TRIM33: variants seen among roughly 807,000 people sequenced by gnomAD.
The protein encoded by TRIM33 is tripartite motif containing 33.
TRIM33 carries 20 observed loss-of-function variants against 125.4 expected under a neutral mutation model. The ratio of observed to expected loss-of-function variants is 0.16; its 90% CI spans 0.11 to 0.23. The LOEUF (loss-of-function observed/expected upper bound fraction) is 0.23, where lower values mean the gene tolerates loss of function less well. TRIM33 is among the 10% of genes least tolerant of loss of function. TRIM33 has a pLI of 1.00. For missense variants in TRIM33, 920 were observed against 1,411.4 expected, an observed-to-expected ratio of 0.65 and a Z score of 5.58; for synonymous variants, 564 against 513.9, an observed-to-expected ratio of 1.10 and a Z score of -1.32.
intron 1 of TRIM33, among the ~76,000 whole-genome samples, chr1:114,494,994 AC>A (rs1304743707): frequency 2.6e-5 from 4 of 151,892 alleles, no homozygotes; most frequent in Admixed American, 6.6e-5. Flanking sequence ...GCTCACTGCA[AC>A]CTCCACCTCC....
At chr1:114,437,697 T>C (rs931994952) in intron 4 of TRIM33, among the ~76,000 whole-genome samples, 18 of 152,226 alleles carry the variant, frequency 1.2e-4, no homozygotes, top group Non-Finnish European at 2.5e-4. Context: ...TATTTCAAAA[T>C]AGGTAAAATA....
chr1:114,436,308 A>G (rs1260448965), intron 4 of TRIM33, among the ~76,000 whole-genome samples: 1 of 144,880 alleles, frequency 6.9e-6, no homozygotes, highest in Non-Finnish European at 1.5e-5. Context: ...ATGCGGAGGC[A>G]GGGGAATTGC....
chr1:114,452,772 T>C (rs1232418444), intron 4 of TRIM33, among the ~76,000 whole-genome samples: 1 of 145,946 alleles, frequency 6.9e-6, no homozygotes, highest in Non-Finnish European at 1.5e-5. Flanking sequence ...GATGGTAGTA[T>C]ACACCTGTAG....
chr1:114,481,639 A>ATATGTGTG lies in TRIM33; in HGVS notation c.527-17252_527-17251insCACACATA, dbSNP rs1553220465. Among the ~76,000 whole-genome samples, 250 of 142,412 alleles carry ATATGTGTG rather than the reference A, an allele frequency of 1.8e-3. 1 individual carries two copies. The highest frequency in any genetic ancestry group is 6.2e-3 in the African/African-American group (237 of 38,042). 93.4% of individuals were successfully genotyped at this position (142,412 alleles called of 152,430 possible). ...AAAAAAGAAAAAAAACTATATATAT[A>ATATGTGTG]TGTGTGTGTGTGTGTGTGTGTGTAT... On this transcript the variant is annotated intron_variant, in intron 1 of 19. Coordinates refer to ENST00000358465, the MANE Select transcript of TRIM33 (RefSeq NM_015906.4).
chr1:114,425,575 T>C lies in TRIM33; in HGVS notation c.1569A>G (p.Val523=), dbSNP rs1435692829. The change falls in exon 9 of 20, where the codon GTA becomes GTG. Residue 523 remains valine, a synonymous_variant. Transcript: ENST00000358465. ...QLRLQHMQQQ[V]YAQKHQQLQQ... ...GCAACTGCTGATGTTTCTGTGCATATACTTGTTGTTGCATGTGCTGGAGTC... is the reference window on the plus strand; with the variant it reads ...GCAACTGCTGATGTTTCTGTGCATACACTTGTTGTTGCATGTGCTGGAGTC... 5.6e-6 allele frequency: 9 copies of C among 1,614,062 alleles called. No individual in the cohort carries two copies. The highest frequency in any genetic ancestry group is 2.2e-5 in the East Asian group (1 of 44,892).
chr1:114,410,139 T>C (rs1191439208), intron 12 of TRIM33, 45 bp downstream of exon 12: 5 of 1,607,428 alleles, frequency 3.1e-6, no homozygotes, highest in South Asian at 2.2e-5. Flanking sequence ...ACTGACACTG[T>C]TTTTTTAAGG....
chr1:114,503,999 G>A (rs1652850735), intron 1 of TRIM33, among the ~76,000 whole-genome samples: 1 of 152,104 alleles, frequency 6.6e-6, no homozygotes, highest in Admixed American at 6.5e-5. Context: ...ATCACACAGA[G>A]CTTTAAAGAT....
In TRIM33 at chr1:114,510,538, G is replaced by T; in HGVS notation, c.526+13C>A. The T allele has an allele frequency of 6.8e-7, 1 of 1,464,560 alleles. No homozygotes were observed. The highest frequency in any genetic ancestry group is 1.4e-5 in the South Asian group (1 of 74,018). 90.7% of individuals were successfully genotyped at this position (1,464,560 alleles called of 1,614,324 possible). ...CCTTGCGGCCCAGATGCCAGGCAGG[G>T]CCTCCGGCTCACCTTGCTGGATGTC... On this transcript the variant is annotated intron_variant, in intron 1 of 19. Transcript: ENST00000358465.
Position 114,397,751 on chromosome 1 carries a change from T to C in TRIM33, c.3281A>G (p.Gln1094Arg). The change falls in exon 20 of 20, where the codon CAG becomes CGG. Residue 1094 changes from glutamine to arginine, a missense_variant. Physicochemically the swap from Gln to Arg is conservative, Grantham distance 43. Coordinates refer to ENST00000358465, the MANE Select transcript of TRIM33 (RefSeq NM_015906.4). ...AGTTACCTCACCATCATCCTCTTCC[T>C]GCTCAAACTCTGGCAAAGGTGCGAA... ...RTFAPLPEFE[Q>R]EEDDGEVTED... 3 of 1,613,990 alleles carry C rather than the reference T, an allele frequency of 1.9e-6. No homozygotes were observed. Among genetic ancestry groups the C allele is most frequent in the East Asian group, 2.2e-5 (1 of 44,864 alleles).
intron 11 of TRIM33, among the ~76,000 whole-genome samples, chr1:114,412,580 G>A (rs917909218): frequency 6.6e-6 from 1 of 150,810 alleles, no homozygotes; most frequent in East Asian, 1.9e-4. Context: ...TTCAGCTTTA[G>A]TTTTTTTTTC....
chr1:114,501,657 C>T (rs1418652745), intron 1 of TRIM33, among the ~76,000 whole-genome samples: 3 of 152,142 alleles, frequency 2.0e-5, no homozygotes, highest in Non-Finnish European at 2.9e-5. Context: ...GGCTACCACA[C>T]CAAGCCATAG....
intron 1 of TRIM33, chr1:114,468,649 A>T: frequency 2.3e-6 from 1 of 432,712 alleles, no homozygotes; most frequent in East Asian, 7.1e-5. Flanking sequence ...GAACCAGCTG[A>T]ACCAGAGTAT....
chr1:114,393,202 G>A lies in TRIM33; in HGVS notation c.*4446C>T, dbSNP rs1203267402. 2.8e-5 allele frequency: 6 copies of A among 213,542 alleles called. No homozygotes were observed. The highest frequency in any genetic ancestry group is 1.5e-3 in the Middle Eastern group (1 of 654). 13.2% of individuals were successfully genotyped at this position (213,542 alleles called of 1,614,324 possible). A position where few individuals can be genotyped will look rare whatever the true frequency, so the allele number is the denominator to read the frequency against. Reference sequence around the variant, plus strand: ...GTAAGGCTGTGAATTTAACCCTTTCGTGTGTAGGTATGTCTACATAAAAAA... The same window carrying A: ...GTAAGGCTGTGAATTTAACCCTTTCATGTGTAGGTATGTCTACATAAAAAA... On this transcript the variant is annotated 3_prime_UTR_variant, in exon 20 of 20. Transcript: ENST00000358465.
intron 1 of TRIM33, among the ~76,000 whole-genome samples, chr1:114,506,747 GCTCA>G (rs1301450523): frequency 6.6e-6 from 1 of 152,104 alleles, no homozygotes; most frequent in Non-Finnish European, 1.5e-5. Flanking sequence ...ACTTTAAAAA[GCTCA>G]CTATTGAGAT....
intron 4 of TRIM33, among the ~76,000 whole-genome samples, chr1:114,458,472 C>A (rs1214805426): frequency 2.0e-5 from 3 of 152,126 alleles, no homozygotes; most frequent in Admixed American, 1.3e-4. Context: ...CCTGTGACCC[C>A]TACTCAGGAA....
chr1:114,477,500 A>C (rs1323520093), intron 1 of TRIM33, among the ~76,000 whole-genome samples: 1 of 152,214 alleles, frequency 6.6e-6, no homozygotes, highest in African/African-American at 2.4e-5. Context: ...TTAATTCCTT[A>C]ATCTTTGAGT....
rs192131637 is a variant in TRIM33, at chr1:114,483,972, T to C, written c.527-19584A>G. Among the ~76,000 whole-genome samples, 655 of 152,240 alleles carry C rather than the reference T, an allele frequency of 4.3e-3. 7 individuals are homozygous for C. Among genetic ancestry groups the C allele is most frequent in the South Asian group, 4.4e-3 (21 of 4,826 alleles). On this transcript the variant is annotated intron_variant, in intron 1 of 19. Transcript: ENST00000358465. ...GGAACAATGAGATGACTGTTACAGT[T>C]TGTAAGTGGAGGTTTGGAAACTACA...
chr1:114,483,602 G>C (rs1467086401), intron 1 of TRIM33, among the ~76,000 whole-genome samples: 1 of 151,660 alleles, frequency 6.6e-6, no homozygotes, highest in East Asian at 1.9e-4. Flanking sequence ...TAGTAGAGAC[G>C]GGGTTTCGCC....
intron 4 of TRIM33, among the ~76,000 whole-genome samples, chr1:114,446,792 T>C (rs1321779118): frequency 6.6e-6 from 1 of 152,178 alleles, no homozygotes; most frequent in African/African-American, 2.4e-5. Flanking sequence ...TGGTGGCTCA[T>C]GCCTGTCATC....
Sources: gnomAD v4.1 joint callset for allele counts (sites outside exome capture counted in the v4.1 genomes callset) on GRCh38, gnomAD v4.1.1 for gene constraint, MANE v1.5 for transcripts, NCBI Gene and HGNC (gene_info 2026-07-23, HGNC 2026-07-21) for gene names.